The following ADARB2 variants were observed in gnomAD, a reference collection of about 807,000 sequenced individuals.
The protein encoded by ADARB2 is inactive double-stranded RNA-specific editase B2.
ADARB2 carries 25 observed loss-of-function variants against 62.2 expected under a neutral mutation model. The ratio of observed to expected loss-of-function variants is 0.40; its 90% CI spans 0.29 to 0.56. The LOEUF (loss-of-function observed/expected upper bound fraction) is 0.56. Among genes scored for constraint, ADARB2 ranks in the 20% least tolerant of loss-of-function variants. The pLI, the probability that ADARB2 is intolerant of heterozygous loss-of-function variation, is 0.43. For synonymous variants in ADARB2, 572 were observed against 500.8 expected (o/e 1.14, Z -1.90); for missense variants, 1,071 against 1,077.4 (o/e 0.99, Z 0.08).
At chr10:1,454,288 A>G (rs1413684555) in intron 1 of ADARB2, among the ~76,000 whole-genome samples, 1 of 152,180 alleles carries the variant, frequency 6.6e-6, no homozygotes, top group Non-Finnish European at 1.5e-5. Context: ...GACACTGGGA[A>G]TTGTGGGAGC....
chr10:1,410,006 T>C (rs112513008), intron 1 of ADARB2, among the ~76,000 whole-genome samples: 5 of 22,500 alleles, frequency 2.2e-4, no homozygotes, highest in Admixed American at 4.8e-4. Flanking sequence ...GAGGCCTGGC[T>C]GTGGTCATAG....
chr10:1,378,364 G>A lies in ADARB2; in HGVS notation c.187+710C>T, dbSNP rs147334217. Among the ~76,000 whole-genome samples, 169 of 152,264 alleles carry A rather than the reference G, an allele frequency of 1.1e-3. 1 individual carries two copies. The highest frequency in any genetic ancestry group is 3.5e-3 in the African/African-American group (144 of 41,530). ...CTTGTTAAATACTTGTACAAACCGCGCTCTAAGACACCGTGACCATTTTTC... is the reference window on the plus strand; with the variant it reads ...CTTGTTAAATACTTGTACAAACCGCACTCTAAGACACCGTGACCATTTTTC... On this transcript the variant is annotated intron_variant, in intron 2 of 9. Coordinates refer to ENST00000381312, the MANE Select transcript of ADARB2 (RefSeq NM_018702.4).
chr10:1,549,606 G>C (rs186150514), intron 1 of ADARB2, among the ~76,000 whole-genome samples: 2 of 151,886 alleles, frequency 1.3e-5, no homozygotes, highest in African/African-American at 2.4e-5. Context: ...AATAAGAGGC[G>C]AACGCAATGC....
intron 3 of ADARB2, among the ~76,000 whole-genome samples, chr10:1,344,599 T>C (rs1589198643): frequency 6.6e-6 from 1 of 152,226 alleles, no homozygotes; most frequent in South Asian, 2.1e-4. Context: ...AGCACCCTTC[T>C]GGCAGCCACA....
intron 1 of ADARB2, among the ~76,000 whole-genome samples, chr10:1,624,093 G>T (rs1276742003): frequency 1.3e-5 from 2 of 152,104 alleles, no homozygotes; most frequent in Admixed American, 1.3e-4. Context: ...AATTAGCCTG[G>T]CATGGTGGCA....
intron 3 of ADARB2, among the ~76,000 whole-genome samples, chr10:1,282,288 C>T (rs1831377496): frequency 6.6e-6 from 1 of 152,228 alleles, no homozygotes; most frequent in Admixed American, 6.5e-5. Context: ...TTACTGATAA[C>T]CAACACAGCT....
intron 8 of ADARB2, among the ~76,000 whole-genome samples, chr10:1,195,575 G>A (rs1464128698): frequency 6.6e-6 from 1 of 152,070 alleles, no homozygotes; most frequent in Admixed American, 6.5e-5. Flanking sequence ...GACTCCAGGG[G>A]TGTGGCTGTG....
chr10:1,202,010 C>T (rs1024339223), intron 7 of ADARB2, among the ~76,000 whole-genome samples: 4 of 152,100 alleles, frequency 2.6e-5, no homozygotes, highest in Non-Finnish European at 4.4e-5. Flanking sequence ...TGATGTTCAC[C>T]GATAAGTCAG....
intron 4 of ADARB2, among the ~76,000 whole-genome samples, chr10:1,254,037 G>A (rs944441740): frequency 3.3e-5 from 5 of 151,836 alleles, no homozygotes; most frequent in African/African-American, 4.8e-5. Flanking sequence ...CAGAGGGCTC[G>A]GTGGTTAGGG....
At chr10:1,428,171 C>T (rs1830726094) in intron 1 of ADARB2, among the ~76,000 whole-genome samples, 1 of 151,844 alleles carries the variant, frequency 6.6e-6, no homozygotes, top group Non-Finnish European at 1.5e-5. Flanking sequence ...TGAGGTTTCA[C>T]CATATTGGCC....
At chr10:1,612,210 T>C (rs1194784579) in intron 1 of ADARB2, among the ~76,000 whole-genome samples, 1 of 152,058 alleles carries the variant, frequency 6.6e-6, no homozygotes, top group Non-Finnish European at 1.5e-5. Flanking sequence ...TTTTTCTGAG[T>C]TGTGAGGAGG....
At chr10:1,513,698 G>T (rs1019954216) in intron 1 of ADARB2, among the ~76,000 whole-genome samples, 64 of 152,226 alleles carry the variant, frequency 4.2e-4, no homozygotes, top group African/African-American at 1.4e-3. Context: ...CGCCTGTGTG[G>T]AGGGACTCAG....
chr10:1,682,159 A>G (rs538549528), intron 1 of ADARB2, among the ~76,000 whole-genome samples: 18 of 152,318 alleles, frequency 1.2e-4, no homozygotes, highest in Admixed American at 7.2e-4. Flanking sequence ...GTCAGGTGCA[A>G]AAATCATGAA....
intron 1 of ADARB2, among the ~76,000 whole-genome samples, chr10:1,655,891 A>G (rs1157150204): frequency 2.0e-5 from 3 of 152,250 alleles, no homozygotes; most frequent in Non-Finnish European, 4.4e-5. Flanking sequence ...TCATGTTTAC[A>G]TTACAAAAGA....
chr10:1,199,157 C>G (rs1319309845), intron 8 of ADARB2, among the ~76,000 whole-genome samples: 1 of 152,214 alleles, frequency 6.6e-6, no homozygotes, highest in African/African-American at 2.4e-5. Context: ...GGGAGGCTGA[C>G]TCAAAGACCT....
intron 1 of ADARB2, among the ~76,000 whole-genome samples, chr10:1,468,032 C>CTAT (rs1173678527): frequency 6.6e-6 from 1 of 152,192 alleles, no homozygotes; most frequent in Non-Finnish European, 1.5e-5. Flanking sequence ...TCTGTGCCAG[C>CTAT]TATTTATAAT....
chr10:1,227,356 G>T (rs189916870), intron 6 of ADARB2, among the ~76,000 whole-genome samples: 1 of 152,178 alleles, frequency 6.6e-6, no homozygotes, highest in Non-Finnish European at 1.5e-5. Context: ...TGCGCTTCCC[G>T]GGTGAGGCGA....
At chr10:1,232,635 T>C (rs1830818957) in intron 6 of ADARB2, among the ~76,000 whole-genome samples, 1 of 147,954 alleles carries the variant, frequency 6.8e-6, no homozygotes, top group Non-Finnish European at 1.5e-5. Context: ...GTGTGGTGTA[T>C]GTGGTCTGTG....
chr10:1,391,330 T>A (rs965066573), intron 1 of ADARB2, among the ~76,000 whole-genome samples: 1 of 152,156 alleles, frequency 6.6e-6, no homozygotes, highest in Non-Finnish European at 1.5e-5. Context: ...AGGGGATAAA[T>A]TGCTTGTTGA....
Sources: gnomAD v4.1 joint callset for allele counts (sites outside exome capture counted in the v4.1 genomes callset) on GRCh38, gnomAD v4.1.1 for gene constraint, MANE v1.5 for transcripts, NCBI Gene and HGNC (gene_info 2026-07-23, HGNC 2026-07-21) for gene names.